The following KIF1B variants were observed in gnomAD, a reference collection of about 807,000 sequenced individuals.
KIF1B encodes kinesin family member 1B.
In KIF1B, 76 loss-of-function variants were observed where a neutral mutation model predicts 241.9. The observed-to-expected ratio is 0.31, with a 90% CI of 0.26 to 0.38. The LOEUF is 0.38. Among genes scored for constraint, KIF1B ranks in the 10% least tolerant of loss-of-function variants. The probability of loss-of-function intolerance (pLI) is 1.00; values close to 1 mark genes in which losing one functional copy is unlikely to be tolerated. For synonymous variants in KIF1B, 750 were observed against 796.7 expected, an observed-to-expected ratio of 0.94 and a Z score of 0.99; for missense variants, 1,622 against 2,271.4, an observed-to-expected ratio of 0.71 and a Z score of 5.81.
rs377631762 is a variant in KIF1B, at chr1:10,337,552, C to T, written c.3422+19C>T. 15 of 1,614,032 alleles carry T rather than the reference C, an allele frequency of 9.3e-6. No individual in the cohort carries two copies. The highest frequency in any genetic ancestry group is 1.6e-4 in the Middle Eastern group (1 of 6,082). ...AGTTCAAGTAAGCTGCCCCTTTGCT[C>T]TGCCTCCCAGCTAGCTGCTAACCGA... On this transcript the variant is annotated intron_variant, in intron 31 of 48. Transcript: ENST00000676179. The surrounding 1 kb of genome is among the most constrained non-coding windows in gnomAD (Gnocchi z 4.0).
chr1:10,291,672 A>G (rs1168705686), intron 16 of KIF1B, among the ~76,000 whole-genome samples: 3 of 151,766 alleles, frequency 2.0e-5, no homozygotes, highest in Non-Finnish European at 4.4e-5. Flanking sequence ...AGATGGTGCC[A>G]CTGCACTGCA....
chr1:10,222,346 T>C (rs889849133), intron 1 of KIF1B, among the ~76,000 whole-genome samples: 6 of 151,914 alleles, frequency 3.9e-5, no homozygotes, highest in African/African-American at 1.2e-4. Context: ...AGGCTTAGAG[T>C]TGGGCAAGGA....
intron 44 of KIF1B, among the ~76,000 whole-genome samples, chr1:10,369,665 G>A (rs1638672238): frequency 6.6e-6 from 1 of 152,172 alleles, no homozygotes; most frequent in South Asian, 2.1e-4. Flanking sequence ...GGCTGCGGTG[G>A]CTCATGCCTG....
chr1:10,372,918 A>T (rs1638785747), intron 45 of KIF1B, among the ~76,000 whole-genome samples: 1 of 151,606 alleles, frequency 6.6e-6, no homozygotes, highest in African/African-American at 2.4e-5. Flanking sequence ...GCTTCAAGTG[A>T]TTCTCCTGCC....
chr1:10,275,403 A>G (rs748656171), intron 10 of KIF1B, 25 bp from the exon 11 acceptor site: 1 of 1,326,192 alleles, frequency 7.5e-7, no homozygotes, highest in Non-Finnish European at 1.1e-6. Flanking sequence ...GAAAAATGCT[A>G]AGACCATTTC....
At position 10,278,623 on chromosome 1, in the gene KIF1B, C is replaced by T. The variant is rs142394449; in HGVS notation, c.1181-474C>T. On this transcript the variant is annotated intron_variant, in intron 13 of 48. Transcript: ENST00000676179. ...TCCTCCTGTAAAATGCTGGAGTGCC[C>T]CGTGCTGCCTATGAACATATGAAGG... The T allele has an allele frequency of 4.2e-3, 815 of 192,590 alleles. 20 individuals are homozygous for T. Among genetic ancestry groups the T allele is most frequent in the Admixed American group, 0.04 (743 of 18,682 alleles). The allele number at this position is 192,590 out of a possible 1,614,324, so 11.9% of individuals were successfully genotyped here.
chr1:10,352,623 T>C lies in KIF1B; in HGVS notation c.3950-8T>C, dbSNP rs760178493. On this transcript the variant is annotated splice_region_variant and splice_polypyrimidine_tract_variant and intron_variant, in intron 37 of 48. Coordinates refer to ENST00000676179, the MANE Select transcript of KIF1B (RefSeq NM_001365951.3). ...TCCGTGCTCTGTTTTTTTTATCCTTTCTTTTAGGTCGTATTCGGAATAAGC... is the reference window on the plus strand; with the variant it reads ...TCCGTGCTCTGTTTTTTTTATCCTTCCTTTTAGGTCGTATTCGGAATAAGC... 6 of 1,609,090 alleles carry C rather than the reference T, an allele frequency of 3.7e-6. No individual in the cohort carries two copies. In the African/African-American group the frequency reaches 5.3e-5, roughly 14 times the overall value.
In KIF1B at chr1:10,347,835, T is replaced by C. The variant is rs759224575; in HGVS notation, c.3864+8T>C. On this transcript the variant is annotated splice_region_variant and intron_variant, in intron 36 of 48. Coordinates refer to ENST00000676179, the MANE Select transcript of KIF1B (RefSeq NM_001365951.3). ...ACATTTTTGCTTCATCAGGTACTAA[T>C]GAGGGACCAAAACAGGCATCGGAGG... The C allele has an allele frequency of 4.3e-6, 7 of 1,609,470 alleles. No homozygotes were observed. The South Asian group carries it at 5.5e-5, about 13-fold the overall frequency.
intron 38 of KIF1B, among the ~76,000 whole-genome samples, chr1:10,356,544 G>A (rs72867415): frequency 0.063 from 9,625 of 151,630 alleles, 334 homozygotes; most frequent in Middle Eastern, 0.13. Flanking sequence ...TTCTTGAGAC[G>A]GGGTGTTGCT....
In KIF1B at chr1:10,321,952, G is replaced by A. The variant is rs1002576162; in HGVS notation, c.2358+95G>A. ...ACCTTGAATTAACCTTTCCTTTGGG[G>A]GAACTCAGCTGCTTTGTGCTATAAA... On this transcript the variant is annotated intron_variant, in intron 24 of 48. Coordinates refer to ENST00000676179, the MANE Select transcript of KIF1B (RefSeq NM_001365951.3). The A allele has an allele frequency of 4.4e-5, 61 of 1,377,518 alleles. No homozygotes were observed. In the Admixed American group the frequency reaches 9.8e-4, roughly 22 times the overall value. 85.3% of individuals were successfully genotyped at this position (1,377,518 alleles called of 1,614,324 possible). A position where few individuals can be genotyped will look rare whatever the true frequency, so the allele number is the denominator to read the frequency against.
In KIF1B at chr1:10,337,743, A is replaced by G. The variant is rs531212907; in HGVS notation, c.3422+210A>G. On this transcript the variant is annotated intron_variant, in intron 31 of 48. Coordinates refer to ENST00000676179, the MANE Select transcript of KIF1B (RefSeq NM_001365951.3). This position sits in a 1 kb window ranked among gnomAD's most constrained non-coding sequence, Gnocchi z 4.0. Reference sequence around the variant, plus strand: ...AACAGGGTTCCCTGGCAGGAGGAGCATGCTGCACATCCTGCTGCAGGGCTC... The same window carrying G: ...AACAGGGTTCCCTGGCAGGAGGAGCGTGCTGCACATCCTGCTGCAGGGCTC... 6.6e-6 allele frequency among the ~76,000 whole-genome samples: 1 copy of G among 152,288 alleles called. No individual in the cohort carries two copies. Among genetic ancestry groups the G allele is most frequent in the East Asian group, 1.9e-4 (1 of 5,184 alleles).
At chr1:10,213,124 T>A (rs117875089) in intron 1 of KIF1B, among the ~76,000 whole-genome samples, 2,192 of 151,948 alleles carry the variant, frequency 0.014, 51 homozygotes, top group East Asian at 0.056. Flanking sequence ...TTCCATGCCC[T>A]AAGTTAGAAG....
Position 10,235,338 on chromosome 1 carries a change from C to T in KIF1B, c.106+2904C>T, listed in dbSNP as rs533702121. 2.0e-4 allele frequency among the ~76,000 whole-genome samples: 31 copies of T among 151,686 alleles called. 2 individuals carry two copies. The South Asian group carries it at 5.6e-3, about 27-fold the overall frequency. On this transcript the variant is annotated intron_variant, in intron 2 of 48. Coordinates refer to ENST00000676179, the MANE Select transcript of KIF1B (RefSeq NM_001365951.3). ...CACCATCTCAGCTCACTGCAACTTC[C>T]GCCTCCTGGGCTCAAGTGATCCTCC...
chr1:10,275,767 A>G (rs1463174437), intron 11 of KIF1B, among the ~76,000 whole-genome samples: 1 of 152,150 alleles, frequency 6.6e-6, no homozygotes, highest in East Asian at 1.9e-4. Flanking sequence ...TACTTGCTTC[A>G]GATTATTGCT....
At position 10,351,617 on chromosome 1, in the gene KIF1B, C is replaced by T. The variant is rs183243270; in HGVS notation, c.3950-1014C>T. On this transcript the variant is annotated intron_variant, in intron 37 of 48. Transcript: ENST00000676179. Reference sequence around the variant, plus strand: ...CTTAACGTCTATGCAATGCTGCATCCGCTAGTGTTAACTTGAAAACAGAGT... The same window carrying T: ...CTTAACGTCTATGCAATGCTGCATCTGCTAGTGTTAACTTGAAAACAGAGT... 2.5e-3 allele frequency among the ~76,000 whole-genome samples: 383 copies of T among 152,192 alleles called. 6 individuals carry two copies. The highest frequency in any genetic ancestry group is 4.1e-3 in the South Asian group (20 of 4,824).
chr1:10,348,965 C>A lies in KIF1B; in HGVS notation c.3949+232C>A, dbSNP rs543130470. ...TAGAGATGTTATTCTTCCCTGTTTG[C>A]GGTACATGGAATGTGTAGAAGACCA... On this transcript the variant is annotated intron_variant, in intron 37 of 48. Coordinates refer to ENST00000676179, the MANE Select transcript of KIF1B (RefSeq NM_001365951.3). 2.6e-5 allele frequency among the ~76,000 whole-genome samples: 4 copies of A among 152,146 alleles called. No homozygotes were observed. The East Asian group carries it at 5.8e-4, about 22-fold the overall frequency.
In KIF1B at chr1:10,210,745, G is replaced by T. The variant is rs1188824411; in HGVS notation, c.-213G>T. The T allele has an allele frequency of 6.6e-6, 1 of 150,502 alleles. No homozygotes were observed. The highest frequency in any genetic ancestry group is 1.5e-5 in the Non-Finnish European group (1 of 67,462). 9.3% of individuals were successfully genotyped at this position (150,502 alleles called of 1,614,324 possible). On this transcript the variant is annotated 5_prime_UTR_variant, in exon 1 of 49. Coordinates refer to ENST00000676179, the MANE Select transcript of KIF1B (RefSeq NM_001365951.3). This position sits in a 1 kb window ranked among gnomAD's most constrained non-coding sequence, Gnocchi z 4.1. ...CGGTGCCGGGCTGCTGCGTGATGGG[G>T]CTGCGGAGCGGCGCCCTGCGGCTCG... is the stretch of plus-strand genomic sequence containing the variant.
chr1:10,375,115 G>C lies in KIF1B; in HGVS notation c.5289+69G>C. The C allele has an allele frequency of 9.1e-6, 14 of 1,542,890 alleles. No individual in the cohort carries two copies. In the South Asian group the frequency reaches 1.6e-4, roughly 17 times the overall value. ...TTCTCTTTTGATTTCTGCACTCTCT[G>C]TTACGTGGTGTGAAATTTCCCTATT... On this transcript the variant is annotated intron_variant, in intron 47 of 48. Coordinates refer to ENST00000676179, the MANE Select transcript of KIF1B (RefSeq NM_001365951.3).
intron 31 of KIF1B, among the ~76,000 whole-genome samples, chr1:10,338,532 AC>A (rs1189082562): frequency 1.3e-5 from 2 of 152,226 alleles, no homozygotes; most frequent in Non-Finnish European, 2.9e-5. Context: ...GTTTTTTGGA[AC>A]TGTTGCTATT....
Sources: gnomAD v4.1 joint callset for allele counts (sites outside exome capture counted in the v4.1 genomes callset) on GRCh38, gnomAD v4.1.1 for gene constraint, Gnocchi (gnomAD v3.1) non-coding constraint, MANE v1.5 for transcripts, NCBI Gene and HGNC (gene_info 2026-07-23, HGNC 2026-07-21) for gene names.